Variants in COBLL1 observed in about 807,000 individuals in gnomAD.
COBLL1 encodes the protein cordon-bleu protein-like 1.
COBLL1 carries 50 observed loss-of-function variants against 94.8 expected under a neutral mutation model. The observed-to-expected ratio is 0.53, with a 90% CI of 0.42 to 0.67. COBLL1 has a LOEUF of 0.67. Among genes scored for constraint, COBLL1 ranks in the 30% least tolerant of loss-of-function variants. COBLL1 has a pLI of 0.00. For missense variants in COBLL1, 1,362 were observed against 1,348.7 expected (o/e 1.01, Z -0.15); for synonymous variants, 448 against 473.8 (o/e 0.95, Z 0.71).
At chr2:164,744,529 T>A (rs566759615) in intron 2 of COBLL1, among the ~76,000 whole-genome samples, 2 of 152,246 alleles carry the variant, frequency 1.3e-5, no homozygotes, top group African/African-American at 4.8e-5. Context: ...AAAAGAAGCA[T>A]GAAGCATGCT....
chr2:164,812,820 ATT>A (rs1310314193), intron 2 of COBLL1, among the ~76,000 whole-genome samples: 1 of 152,112 alleles, frequency 6.6e-6, no homozygotes, highest in Non-Finnish European at 1.5e-5. Flanking sequence ...AAAAAAAGTC[ATT>A]GTTTAAATAA....
rs751773460 is a variant in COBLL1, at chr2:164,694,793, A to G, written c.2599T>C (p.Phe867Leu). The change falls in exon 12 of 14, where the codon TTT (phenylalanine) becomes CTT (leucine). Residue 867 changes from phenylalanine (F) to leucine (L), a missense_variant. Coordinates refer to ENST00000652658, the MANE Select transcript of COBLL1 (RefSeq NM_001365672.2). ...ACTCTCTTCTGCATCTGCAAAAAAA[A>G]AGAGCTGGGTTTGGCCTGGGCATTT... ...ASNAQAKPSS[F>L]FLQMQKRVSG... The G allele has an allele frequency of 3.1e-6, 5 of 1,613,606 alleles. No individual in the cohort carries two copies. The highest frequency in any genetic ancestry group is 2.2e-5 in the East Asian group (1 of 44,890).
Position 164,687,546 on chromosome 2 carries a change from C to T in COBLL1, c.3301-1514G>A, listed in dbSNP as rs1683364326. 3.9e-6 allele frequency: 5 copies of T among 1,277,954 alleles called. No individual in the cohort carries two copies. The African/African-American group carries it at 5.7e-5, about 14-fold the overall frequency. The allele number at this position is 1,277,954 out of a possible 1,614,324, so 79.2% of individuals were successfully genotyped here. A position where few individuals can be genotyped will look rare whatever the true frequency, so the allele number is the denominator to read the frequency against. On this transcript the variant is annotated intron_variant, in intron 13 of 13. Coordinates refer to ENST00000652658, the MANE Select transcript of COBLL1 (RefSeq NM_001365672.2). ...TAACTTGGCCAATGTGACCCCTGAC[C>T]ACAGTGCCCTGGGGTTTTCCAAAGG...
chr2:164,816,330 A>C (rs2105349037), intron 2 of COBLL1, among the ~76,000 whole-genome samples: 1 of 152,248 alleles, frequency 6.6e-6, no homozygotes, highest in Admixed American at 6.5e-5. Context: ...TCTGAAAAGA[A>C]TGTGGGTGAA....
Position 164,681,914 on chromosome 2 carries a change from T to C in COBLL1, c.*4032A>G, listed in dbSNP as rs551321251. ...CATTTTTTCCTTGTTGTAAACACAA[T>C]GTATCTATATGAACAGTCTAACATA... On this transcript the variant is annotated 3_prime_UTR_variant, in exon 14 of 14. Transcript: ENST00000652658. 5.3e-5 allele frequency: 8 copies of C among 152,348 alleles called. No individual in the cohort carries two copies. In the East Asian group the frequency reaches 1.4e-3, roughly 26 times the overall value. 9.4% of individuals were successfully genotyped at this position (152,348 alleles called of 1,614,324 possible).
chr2:164,827,870 T>C (rs1685508020), intron 2 of COBLL1, among the ~76,000 whole-genome samples: 1 of 152,232 alleles, frequency 6.6e-6, no homozygotes, highest in African/African-American at 2.4e-5. Context: ...GACAAAGTTT[T>C]TGGTTTCTCT....
chr2:164,716,311 A>G (rs987640150), intron 7 of COBLL1, among the ~76,000 whole-genome samples: 10 of 152,344 alleles, frequency 6.6e-5, no homozygotes, highest in African/African-American at 2.2e-4. Flanking sequence ...GTTCATATAA[A>G]TAAAGCATGA....
At chr2:164,701,795 G>A (rs796213592) in intron 9 of COBLL1, among the ~76,000 whole-genome samples, 3 of 151,380 alleles carry the variant, frequency 2.0e-5, no homozygotes, top group South Asian at 4.2e-4. Context: ...GTAAGCCAGA[G>A]TGAGGTTCTG....
intron 2 of COBLL1, among the ~76,000 whole-genome samples, chr2:164,782,200 T>C (rs916780841): frequency 6.6e-6 from 1 of 152,176 alleles, no homozygotes; most frequent in Non-Finnish European, 1.5e-5. Context: ...TTCTCAGTAT[T>C]ATGAAAGTTT....
At chr2:164,732,442 A>G (rs918500199) in intron 3 of COBLL1, among the ~76,000 whole-genome samples, 3 of 152,194 alleles carry the variant, frequency 2.0e-5, no homozygotes, top group African/African-American at 7.2e-5. Flanking sequence ...GAGCAATTGG[A>G]TGGCACATAC....
At chr2:164,790,577 A>G (rs1370257517) in intron 2 of COBLL1, among the ~76,000 whole-genome samples, 1 of 152,190 alleles carries the variant, frequency 6.6e-6, no homozygotes, top group Non-Finnish European at 1.5e-5. Flanking sequence ...CATTTTACTT[A>G]AAGTTGAAGT....
chr2:164,803,685 CAACT>C (rs1683942147), intron 2 of COBLL1, among the ~76,000 whole-genome samples: 1 of 152,190 alleles, frequency 6.6e-6, no homozygotes, highest in South Asian at 2.1e-4. Context: ...TATCTTTTGT[CAACT>C]AACATTGTAC....
chr2:164,834,558 T>G (rs1326905707), intron 2 of COBLL1, among the ~76,000 whole-genome samples: 1 of 152,250 alleles, frequency 6.6e-6, no homozygotes, highest in Non-Finnish European at 1.5e-5. Context: ...ATGCAATAAA[T>G]TTTTAATTAA....
intron 2 of COBLL1, among the ~76,000 whole-genome samples, chr2:164,751,826 G>A (rs1443860523): frequency 6.6e-6 from 1 of 152,066 alleles, no homozygotes; most frequent in Non-Finnish European, 1.5e-5. Flanking sequence ...ATTAAATTGG[G>A]ACTGACAAAA....
At position 164,695,691 on chromosome 2, in the gene COBLL1, T is replaced by A; in HGVS notation, c.1701A>T (p.Ala567=). The A allele has an allele frequency of 1.2e-6, 2 of 1,613,956 alleles. No homozygotes were observed. The highest frequency in any genetic ancestry group is 1.7e-6 in the Non-Finnish European group (2 of 1,179,864). ...AACTTATAGCAGTATCAGTTTCATG[T>A]GCCTCAGAGTTTGATGGTCTCTCAA... ...MEVERPSNSE[A]HETDTAISYK... The change falls in exon 12 of 14, where the codon GCA becomes GCT. Residue 567 remains alanine, a synonymous_variant. Transcript: ENST00000652658.
At chr2:164,702,823 CA>C (rs2105450837) in intron 9 of COBLL1, among the ~76,000 whole-genome samples, 1 of 151,928 alleles carries the variant, frequency 6.6e-6, no homozygotes, top group East Asian at 2.0e-4. Context: ...ATTGTGTTTT[CA>C]AAGTGACCCC....
intron 7 of COBLL1, among the ~76,000 whole-genome samples, chr2:164,714,242 G>A (rs958668486): frequency 4.6e-5 from 7 of 151,640 alleles, no homozygotes; most frequent in East Asian, 1.9e-4. Flanking sequence ...GAGGCAATCC[G>A]TGCTTTCATC....
chr2:164,830,378 T>A (rs959724265), intron 2 of COBLL1, among the ~76,000 whole-genome samples: 3 of 152,180 alleles, frequency 2.0e-5, no homozygotes, highest in African/African-American at 7.2e-5. Flanking sequence ...GATCAAAAAT[T>A]GTAGTACATA....
chr2:164,756,784 A>C (rs1254633893), intron 2 of COBLL1, among the ~76,000 whole-genome samples: 1 of 150,334 alleles, frequency 6.7e-6, no homozygotes, highest in Non-Finnish European at 1.5e-5. Context: ...TGCAAAAAGG[A>C]AAAAAAATCT....
Sources: allele counts gnomAD v4.1 joint callset (sites outside exome capture counted in the v4.1 genomes callset), GRCh38; gene constraint gnomAD v4.1.1; transcripts MANE v1.5; gene names NCBI Gene and HGNC (gene_info 2026-07-23, HGNC 2026-07-21).